The following ABLIM1 variants were observed in gnomAD, a reference collection of about 807,000 sequenced individuals.
The protein encoded by ABLIM1 is actin-binding LIM protein 1.
A neutral mutation model predicts 107.0 loss-of-function variants in ABLIM1; 40 were observed. The observed-to-expected ratio is 0.37, with a 90% CI of 0.29 to 0.49. The LOEUF is 0.49. ABLIM1 is among the 20% of genes least tolerant of loss of function. The probability of loss-of-function intolerance (pLI) is 0.97; values close to 1 mark genes in which losing one functional copy is unlikely to be tolerated. For missense variants in ABLIM1, 857 were observed against 1,008.5 expected, an observed-to-expected ratio of 0.85 and a Z score of 2.04; for synonymous variants, 357 against 357.3, an observed-to-expected ratio of 1.00 and a Z score of 0.01.
chr10:114,583,472 T>C (rs1334913868), intron 2 of ABLIM1, among the ~76,000 whole-genome samples: 9 of 10,078 alleles, frequency 8.9e-4, no homozygotes, highest in Admixed American at 1.1e-3. Context: ...CACACACATA[T>C]ATATATATAT....
intron 1 of ABLIM1, among the ~76,000 whole-genome samples, chr10:114,679,839 C>T (rs1035056431): frequency 4.6e-5 from 7 of 152,032 alleles, no homozygotes; most frequent in East Asian, 1.9e-4. Flanking sequence ...CCCATTCATG[C>T]GAGAAGACAC....
At chr10:114,452,368 C>T (rs1385610484) in intron 13 of ABLIM1, among the ~76,000 whole-genome samples, 8 of 151,798 alleles carry the variant, frequency 5.3e-5, no homozygotes, top group Admixed American at 4.6e-4. Context: ...TCTGTTTCCC[C>T]AGAACCGTGG....
intron 6 of ABLIM1, among the ~76,000 whole-genome samples, chr10:114,499,024 A>C (rs540802215): frequency 6.6e-6 from 1 of 152,352 alleles, no homozygotes; most frequent in East Asian, 1.9e-4. Flanking sequence ...TTCTACAAGC[A>C]AGGAAACTAA....
At chr10:114,665,012 G>A (rs2079962798) in intron 1 of ABLIM1, among the ~76,000 whole-genome samples, 1 of 151,852 alleles carries the variant, frequency 6.6e-6, no homozygotes, top group African/African-American at 2.4e-5. Context: ...CAGCTATTCG[G>A]GAGCTGAGGC....
chr10:114,497,683 A>C lies in ABLIM1; in HGVS notation c.895-5805T>G, dbSNP rs1002480112. On this transcript the variant is annotated intron_variant, in intron 6 of 22. Coordinates refer to ENST00000533213, the MANE Select transcript of ABLIM1 (RefSeq NM_002313.7). ...GGCAACAGAGCCGGATTCTGTCTCA[A>C]AAAAAAAAAAAAAAAAAAAAAAATC... is the stretch of plus-strand genomic sequence containing the variant. 2.0e-3 allele frequency among the ~76,000 whole-genome samples: 79 copies of C among 39,686 alleles called. 1 individual carries two copies. The East Asian group carries it at 0.039, about 20-fold the overall frequency. The allele number at this position is 39,686 out of a possible 152,430, so 26.0% of individuals were successfully genotyped here.
intron 1 of ABLIM1, among the ~76,000 whole-genome samples, chr10:114,751,605 C>T (rs2082512029): frequency 6.6e-6 from 1 of 151,916 alleles, no homozygotes; most frequent in Admixed American, 6.6e-5. Context: ...CAAAAATTAG[C>T]TGGGCATGGT....
At chr10:114,651,667 G>T (rs575050815) in intron 1 of ABLIM1, among the ~76,000 whole-genome samples, 1 of 152,198 alleles carries the variant, frequency 6.6e-6, no homozygotes. Context: ...AATTGAAAAG[G>T]GGTTATTGGT....
At chr10:114,716,732 T>C (rs1226908799) in intron 1 of ABLIM1, among the ~76,000 whole-genome samples, 1 of 151,996 alleles carries the variant, frequency 6.6e-6, no homozygotes, top group African/African-American at 2.4e-5. Context: ...AACAACACTC[T>C]ACTTGAGAGG....
At chr10:114,713,456 A>G (rs2081595082) in intron 1 of ABLIM1, among the ~76,000 whole-genome samples, 1 of 152,198 alleles carries the variant, frequency 6.6e-6, no homozygotes, top group South Asian at 2.1e-4. Context: ...GAGAAATCAA[A>G]ACCAAGTGCA....
chr10:114,690,162 T>C (rs921808689), intron 1 of ABLIM1: 7 of 1,378,084 alleles, frequency 5.1e-6, no homozygotes, highest in Non-Finnish European at 7.1e-6. Context: ...TTGTCCACAG[T>C]CAGCAATGGT....
At chr10:114,723,965 CGTG>C (rs2081904890) in intron 1 of ABLIM1, among the ~76,000 whole-genome samples, 1 of 152,112 alleles carries the variant, frequency 6.6e-6, no homozygotes, top group Non-Finnish European at 1.5e-5. Flanking sequence ...ATAACATCTG[CGTG>C]GTTCCTTCAT....
chr10:114,541,935 GAC>G (rs368305169), intron 6 of ABLIM1, among the ~76,000 whole-genome samples: 1 of 150,694 alleles, frequency 6.6e-6, no homozygotes, highest in African/African-American at 2.4e-5. Flanking sequence ...CACACACTCA[GAC>G]ACACACACAC....
chr10:114,606,083 T>C (rs557570464), intron 1 of ABLIM1, among the ~76,000 whole-genome samples: 25 of 152,076 alleles, frequency 1.6e-4, no homozygotes, highest in African/African-American at 5.8e-4. Context: ...AATCCAGAAC[T>C]AGCCTCATCT....
At chr10:114,511,367 T>TA (rs1307987826) in intron 6 of ABLIM1, among the ~76,000 whole-genome samples, 2 of 151,836 alleles carry the variant, frequency 1.3e-5, no homozygotes, top group East Asian at 1.9e-4. Context: ...CTCACCTCTT[T>TA]AAAAAAATTT....
intron 10 of ABLIM1, among the ~76,000 whole-genome samples, chr10:114,468,830 C>T (rs1207090916): frequency 1.3e-5 from 2 of 151,296 alleles, no homozygotes; most frequent in African/African-American, 4.9e-5. Flanking sequence ...GGCTGGCGGA[C>T]CACAAGGTCA....
intron 1 of ABLIM1, among the ~76,000 whole-genome samples, chr10:114,620,474 A>G (rs566995052): frequency 3.3e-5 from 5 of 152,192 alleles, no homozygotes; most frequent in African/African-American, 1.2e-4. Context: ...CAGTGGCGTG[A>G]TCTTGGCTCA....
At chr10:114,610,278 C>T (rs2076718938) in intron 1 of ABLIM1, among the ~76,000 whole-genome samples, 1 of 152,202 alleles carries the variant, frequency 6.6e-6, no homozygotes, top group African/African-American at 2.4e-5. Flanking sequence ...CCCTCTCGGC[C>T]ACCTCCAGCC....
intron 1 of ABLIM1, chr10:114,632,172 G>C: frequency 4.1e-6 from 4 of 985,412 alleles, no homozygotes; most frequent in Non-Finnish European, 4.8e-6. Context: ...CCAGCTCGGG[G>C]ACTCTGCCCT....
upstream of ABLIM1, among the ~76,000 whole-genome samples, chr10:114,661,871 T>C (rs1192888722): frequency 2.6e-5 from 4 of 152,174 alleles, no homozygotes; most frequent in Non-Finnish European, 4.4e-5. Flanking sequence ...CTTTGCATGC[T>C]GTAGGAGCTC....
Sources: gnomAD v4.1 joint callset for allele counts (sites outside exome capture counted in the v4.1 genomes callset) on GRCh38, gnomAD v4.1.1 for gene constraint, MANE v1.5 for transcripts, NCBI Gene and HGNC (gene_info 2026-07-23, HGNC 2026-07-21) for gene names.